The following MSRB2 variants were observed in gnomAD, a reference collection of about 807,000 sequenced individuals.
The protein encoded by MSRB2 is methionine-R-sulfoxide reductase B2, mitochondrial.
Under a neutral mutation model 19.0 loss-of-function variants are expected in MSRB2, and 17 were observed. The ratio of observed to expected loss-of-function variants is 0.89; its 90% CI spans 0.61 to 1.34. The LOEUF (loss-of-function observed/expected upper bound fraction) is 1.34. Ranked by LOEUF, MSRB2 falls within the 40% of genes most tolerant of loss-of-function variation. MSRB2 has a pLI of 0.00. For synonymous variants in MSRB2, 107 were observed against 99.7 expected, an observed-to-expected ratio of 1.07 and a Z score of -0.44; for missense variants, 208 against 237.6, an observed-to-expected ratio of 0.88 and a Z score of 0.82.
intron 3 of MSRB2, among the ~76,000 whole-genome samples, chr10:23,118,344 T>G (rs1271054772): frequency 1.8e-4 from 27 of 147,946 alleles, no homozygotes; most frequent in Admixed American, 1.4e-3. Context: ...TTTGTTTTTT[T>G]TTTTTTTTTT....
At chr10:23,108,319 G>A (rs1588969341) in intron 2 of MSRB2, among the ~76,000 whole-genome samples, 2 of 151,970 alleles carry the variant, frequency 1.3e-5, no homozygotes, top group Non-Finnish European at 2.9e-5. Context: ...CACTTCCTCT[G>A]TCCAGCTGCC....
chr10:23,101,592 C>T (rs1270357178), intron 1 of MSRB2, among the ~76,000 whole-genome samples: 1 of 152,146 alleles, frequency 6.6e-6, no homozygotes, highest in Non-Finnish European at 1.5e-5. Context: ...ACACTGTTTT[C>T]CATAGTGGTT....
chr10:23,096,529 G>A (rs1839872016), intron 1 of MSRB2, among the ~76,000 whole-genome samples: 1 of 152,000 alleles, frequency 6.6e-6, no homozygotes, highest in Non-Finnish European at 1.5e-5. Context: ...CTTCCTGGGC[G>A]GTTGCCAGAC....
chr10:23,110,781 C>T (rs1293080311), intron 3 of MSRB2, among the ~76,000 whole-genome samples: 1 of 152,144 alleles, frequency 6.6e-6, no homozygotes, highest in Non-Finnish European at 1.5e-5. Context: ...CAATGCTTGA[C>T]AGTAGCGAAT....
rs186008767 is a variant in MSRB2 at position 23,106,430 on chromosome 10, A to G, written c.219+2186A>G. Among the ~76,000 whole-genome samples, 3 of 152,342 alleles carry G rather than the reference A, an allele frequency of 2.0e-5. No individual in the cohort carries two copies. In the East Asian group the frequency reaches 5.8e-4, roughly 29 times the overall value. On this transcript the variant is annotated intron_variant, in intron 2 of 4. Transcript: ENST00000376510. The stretch of plus-strand genomic sequence containing the variant: ...GCTGAGCAATAACTGAAAGTCAAGT[A>G]TCAATAGAAGGGAGGTTTTGTGCAG...
chr10:23,098,572 G>GC (rs1839892252), intron 1 of MSRB2, among the ~76,000 whole-genome samples: 1 of 152,196 alleles, frequency 6.6e-6, no homozygotes, highest in Admixed American at 6.5e-5. Flanking sequence ...AAAATGTGTA[G>GC]CCCCCAAAGG....
intron 2 of MSRB2, among the ~76,000 whole-genome samples, chr10:23,108,481 T>G (rs1840007954): frequency 6.6e-6 from 1 of 150,558 alleles, no homozygotes; most frequent in Non-Finnish European, 1.5e-5. Context: ...TCCTCTTTTT[T>G]TTTTTTTTTT....
intron 1 of MSRB2, 45 bp from the exon 2 acceptor site, chr10:23,104,099 A>G (rs2131624171): frequency 6.7e-7 from 1 of 1,500,822 alleles, no homozygotes; most frequent in East Asian, 2.3e-5. Context: ...AAAGTCCATC[A>G]GGCATTTTTG....
Position 23,121,437 on chromosome 10 carries a change from C to T in MSRB2, c.*575C>T, listed in dbSNP as rs576498355. 2.6e-5 allele frequency: 4 copies of T among 152,400 alleles called. No homozygotes were observed. Among genetic ancestry groups the T allele is most frequent in the East Asian group, 3.9e-4 (2 of 5,186 alleles). The allele number at this position is 152,400 out of a possible 1,614,324, so 9.4% of individuals were successfully genotyped here. A position where few individuals can be genotyped will look rare whatever the true frequency, so the allele number is the denominator to read the frequency against. ...ATCCACCCTCATGACCCAGTTACCTCCCGGCAGGGCCCACCTCCGGCACTA... is the reference window on the plus strand; with the variant it reads ...ATCCACCCTCATGACCCAGTTACCTTCCGGCAGGGCCCACCTCCGGCACTA... On this transcript the variant is annotated 3_prime_UTR_variant, in exon 5 of 5. Transcript: ENST00000376510.
At chr10:23,107,616 G>T (rs1236161410) in intron 2 of MSRB2, among the ~76,000 whole-genome samples, 5 of 152,152 alleles carry the variant, frequency 3.3e-5, no homozygotes, top group Non-Finnish European at 7.3e-5. Context: ...GTAGTGAAGG[G>T]TACAGCGCTA....
intron 1 of MSRB2, among the ~76,000 whole-genome samples, chr10:23,098,663 C>T (rs775038633): frequency 1.3e-5 from 2 of 152,176 alleles, no homozygotes; most frequent in African/African-American, 2.4e-5. Flanking sequence ...CTCTCTCTAG[C>T]CACGGTAGCC....
rs140905342 is a variant in MSRB2 at position 23,104,350 on chromosome 10, G to A, written c.219+106G>A. 46 of 774,946 alleles carry A rather than the reference G, an allele frequency of 5.9e-5. No individual in the cohort carries two copies. The African/African-American group carries it at 7.5e-4, about 13-fold the overall frequency. 48.0% of individuals were successfully genotyped at this position (774,946 alleles called of 1,614,324 possible). On this transcript the variant is annotated intron_variant, in intron 2 of 4. Transcript: ENST00000376510. ...CCAGCTGCCCAGCAACACTCCACAG[G>A]CCTGGTCTTCCTCTTCCATTGTGCC...
At position 23,095,809 on chromosome 10, in the gene MSRB2, G is replaced by A. The variant is rs577132902; in HGVS notation, c.118+83G>A. 634 of 960,020 alleles carry A rather than the reference G, an allele frequency of 6.6e-4. 2 individuals are homozygous for A. The African/African-American group carries it at 9.9e-3, about 15-fold the overall frequency. 59.5% of individuals were successfully genotyped at this position (960,020 alleles called of 1,614,324 possible). On this transcript the variant is annotated intron_variant, in intron 1 of 4. Transcript: ENST00000376510. ...CGGCTGCACCCGGGAGCCTAGGGCCGGTCCAGGCCGGGCGCTGCCCTCCTA... is the reference window on the plus strand; with the variant it reads ...CGGCTGCACCCGGGAGCCTAGGGCCAGTCCAGGCCGGGCGCTGCCCTCCTA...
At position 23,095,689 on chromosome 10, in the gene MSRB2, C is replaced by T. The variant is rs1839852064; in HGVS notation, c.81C>T (p.Gly27=). The T allele has an allele frequency of 2.3e-6, 3 of 1,312,104 alleles. No homozygotes were observed. Among genetic ancestry groups the T allele is most frequent in the Non-Finnish European group, 2.9e-6 (3 of 1,037,920 alleles). The allele number at this position is 1,312,104 out of a possible 1,614,324, so 81.3% of individuals were successfully genotyped here. The change falls in exon 1 of 5, where the codon GGC becomes GGT. Residue 27 remains glycine, a synonymous_variant. Transcript: ENST00000376510. ...GGGCGGTGCGGGGCCAAGCGGGCGG[C>T]GGCGGGCCCGGCACCGGGCCGGGAC... ...PRRAVRGQAG[G]GGPGTGPGLG... is the part of the protein sequence containing the mutation.
At chr10:23,114,999 C>G (rs531997752) in intron 3 of MSRB2, among the ~76,000 whole-genome samples, 2 of 152,294 alleles carry the variant, frequency 1.3e-5, no homozygotes, top group South Asian at 4.2e-4. Flanking sequence ...CAGTGTAACT[C>G]ATGAGTTCCC....
At chr10:23,117,930 A>G (rs1158743173) in intron 3 of MSRB2, among the ~76,000 whole-genome samples, 1 of 152,252 alleles carries the variant, frequency 6.6e-6, no homozygotes, top group African/African-American at 2.4e-5. Context: ...TAGTCAAAGG[A>G]AATGCTCACT....
intron 4 of MSRB2, among the ~76,000 whole-genome samples, chr10:23,120,315 G>C (rs77711061): frequency 6.6e-6 from 1 of 152,166 alleles, no homozygotes; most frequent in Non-Finnish European, 1.5e-5. Flanking sequence ...TCTGACTCAT[G>C]GGTTTTGTAA....
chr10:23,105,212 C>CTGTGTGTGTGTGTGTGTG (rs36039793), intron 2 of MSRB2, among the ~76,000 whole-genome samples: 39 of 147,170 alleles, frequency 2.6e-4, no homozygotes, highest in African/African-American at 8.7e-4. Flanking sequence ...CTCTGTGTGT[C>CTGTGTGTGTGTGTGTGTG]TGTGTGTGTG....
intron 4 of MSRB2, among the ~76,000 whole-genome samples, chr10:23,120,199 A>G (rs958756715): frequency 1.3e-5 from 2 of 152,196 alleles, no homozygotes; most frequent in Non-Finnish European, 2.9e-5. Context: ...CTGCAGAGCA[A>G]TGCTGCGGGT....
Sources: gnomAD v4.1 joint callset for allele counts (sites outside exome capture counted in the v4.1 genomes callset) on GRCh38, gnomAD v4.1.1 for gene constraint, MANE v1.5 for transcripts, NCBI Gene and HGNC (gene_info 2026-07-23, HGNC 2026-07-21) for gene names.